RNASEH2B: variants seen among roughly 807,000 people sequenced by gnomAD.
RNASEH2B encodes the protein Aicardi-Goutieres syndrome 2 protein.
RNASEH2B carries 36 observed loss-of-function variants against 45.0 expected under a neutral mutation model. The observed-to-expected ratio is 0.80, with a 90% confidence interval of 0.61 to 1.06. The LOEUF (loss-of-function observed/expected upper bound fraction) is 1.06, where lower values mean the gene tolerates loss of function less well. Ranked by LOEUF, RNASEH2B falls within the 50% of genes least tolerant of loss-of-function variation. The probability of loss-of-function intolerance (pLI) is 0.00; values close to 1 mark genes in which losing one functional copy is unlikely to be tolerated. For missense variants in RNASEH2B, 361 were observed against 360.3 expected (o/e 1.00, Z -0.02); for synonymous variants, 119 against 125.7 (o/e 0.95, Z 0.35).
Position 50,910,158 on chromosome 13 carries a change from G to C in RNASEH2B, c.64+18G>C, listed in dbSNP as rs1566071262. On this transcript the variant is annotated intron_variant, in intron 1 of 10. Transcript: ENST00000336617. ...GGTTTCAGGTAAACACGCGCGCCCGGGCGGCGGGGTCGGCCCAAGAACTGG... is the reference window on the plus strand; with the variant it reads ...GGTTTCAGGTAAACACGCGCGCCCGCGCGGCGGGGTCGGCCCAAGAACTGG... 7.0e-7 allele frequency: 1 copy of C among 1,426,264 alleles called. No homozygotes were observed. Among genetic ancestry groups the C allele is most frequent in the South Asian group, 1.5e-5 (1 of 68,380 alleles). The allele number at this position is 1,426,264 out of a possible 1,614,324, so 88.4% of individuals were successfully genotyped here.
chr13:50,924,702 G>A (rs1951569623), intron 1 of RNASEH2B, among the ~76,000 whole-genome samples: 1 of 152,048 alleles, frequency 6.6e-6, no homozygotes, highest in Non-Finnish European at 1.5e-5. Flanking sequence ...GGGACTACGG[G>A]CACATGCCAC....
chr13:50,964,589 C>G (rs1952146699), intron 9 of RNASEH2B, among the ~76,000 whole-genome samples: 1 of 152,174 alleles, frequency 6.6e-6, no homozygotes, highest in African/African-American at 2.4e-5. Flanking sequence ...AACTCTGTAC[C>G]ATTCAAGCTT....
downstream of RNASEH2B, among the ~76,000 whole-genome samples, chr13:50,961,755 C>T (rs1470460514): frequency 1.3e-5 from 2 of 152,126 alleles, no homozygotes; most frequent in Non-Finnish European, 1.5e-5. Flanking sequence ...CACATATATA[C>T]ACTATATACT....
intron 8 of RNASEH2B, 86 bp downstream of exon 8, chr13:50,948,154 A>G: frequency 6.3e-7 from 1 of 1,581,270 alleles, no homozygotes; most frequent in Non-Finnish European, 8.6e-7. Flanking sequence ...GGCTTATCAT[A>G]TCACTGTTTA....
intron 4 of RNASEH2B, among the ~76,000 whole-genome samples, chr13:50,932,800 G>C (rs919241670): frequency 2.6e-5 from 4 of 152,134 alleles, no homozygotes; most frequent in Non-Finnish European, 5.9e-5. Flanking sequence ...TTAATCCTTA[G>C]ATCAAATTCC....
intron 5 of RNASEH2B, among the ~76,000 whole-genome samples, chr13:50,940,251 G>A (rs1951817244): frequency 6.6e-6 from 1 of 152,178 alleles, no homozygotes; most frequent in Non-Finnish European, 1.5e-5. Context: ...CTGTGATCTG[G>A]GTAGCCATGG....
At chr13:50,946,325 T>C (rs1951900338) in intron 7 of RNASEH2B, among the ~76,000 whole-genome samples, 1 of 152,226 alleles carries the variant, frequency 6.6e-6, no homozygotes, top group South Asian at 2.1e-4. Context: ...ATGGCTTTAG[T>C]CATTACATAA....
At chr13:50,964,990 C>T (rs187491845) in intron 9 of RNASEH2B, among the ~76,000 whole-genome samples, 12 of 152,196 alleles carry the variant, frequency 7.9e-5, no homozygotes, top group African/African-American at 2.4e-4. Context: ...TCCTGCCTTA[C>T]TCCCTGCATA....
chr13:50,968,316 C>T (rs1282343013), intron 9 of RNASEH2B, among the ~76,000 whole-genome samples: 1 of 152,140 alleles, frequency 6.6e-6, no homozygotes, highest in Non-Finnish European at 1.5e-5. Context: ...GGGAGAATTG[C>T]TTGAGGCTAG....
intron 1 of RNASEH2B, among the ~76,000 whole-genome samples, chr13:50,916,452 A>G (rs1342490395): frequency 3.9e-5 from 6 of 152,220 alleles, no homozygotes; most frequent in African/African-American, 1.4e-4. Context: ...GACAAAGAGA[A>G]TTTGTATTTT....
chr13:50,948,047 A>T lies in RNASEH2B; in HGVS notation c.677A>T (p.Asp226Val), dbSNP rs770138442. Residue 226 changes from aspartate (D) to valine (V), a missense_variant, in exon 8 of 11, where the codon GAT becomes GTT. Asp to Val is a radical substitution (Grantham distance 152). Transcript: ENST00000336617. ...GACTACATCCCTAAAGAATTAAGTGATGACTTATCTAAATACTTAAAGTGA... is the reference window on the plus strand; with the variant it reads ...GACTACATCCCTAAAGAATTAAGTGTTGACTTATCTAAATACTTAAAGTGA... ...ISDYIPKELS[D>V]DLSKYLKLPE... The T allele has an allele frequency of 6.2e-7, 1 of 1,611,560 alleles. No individual in the cohort carries two copies. Among genetic ancestry groups the T allele is most frequent in the Admixed American group, 1.7e-5 (1 of 59,988 alleles).
intron 3 of RNASEH2B, among the ~76,000 whole-genome samples, chr13:50,930,455 G>C (rs564625980): frequency 6.6e-6 from 1 of 152,116 alleles, no homozygotes; most frequent in Non-Finnish European, 1.5e-5. Flanking sequence ...CAGGGTCTTG[G>C]TTCTCCTCTC....
At chr13:50,962,440 A>T (rs566561654) in intron 9 of RNASEH2B, among the ~76,000 whole-genome samples, 3 of 152,038 alleles carry the variant, frequency 2.0e-5, no homozygotes, top group African/African-American at 7.2e-5. Flanking sequence ...TTGGTAATTT[A>T]TGTCTTTCAA....
intron 5 of RNASEH2B, 178 bp from the exon 6 acceptor site, chr13:50,943,143 C>T: frequency 1.7e-6 from 1 of 578,080 alleles, no homozygotes; most frequent in Non-Finnish European, 3.1e-6. Flanking sequence ...CCTGAGGTAG[C>T]CACATTACTA....
intron 9 of RNASEH2B, chr13:50,952,638 G>A (rs1267372810): frequency 6.6e-6 from 1 of 152,230 alleles, no homozygotes; most frequent in African/African-American, 2.4e-5. Flanking sequence ...CTGGCCTCAA[G>A]TGACCGCCCA....
At chr13:50,949,257 C>T in intron 8 of RNASEH2B, 1 of 560,408 alleles carries the variant, frequency 1.8e-6, no homozygotes, top group Non-Finnish European at 3.2e-6. Flanking sequence ...CAGACAACAC[C>T]AAAACAAGGA....
chr13:50,932,835 T>G (rs1423374538), intron 4 of RNASEH2B, among the ~76,000 whole-genome samples: 1 of 152,128 alleles, frequency 6.6e-6, no homozygotes, highest in Non-Finnish European at 1.5e-5. Context: ...GGTAGGTAAA[T>G]TAATTTAAGT....
intron 9 of RNASEH2B, among the ~76,000 whole-genome samples, chr13:50,965,032 T>C (rs775641883): frequency 6.6e-6 from 1 of 152,174 alleles, no homozygotes; most frequent in Non-Finnish European, 1.5e-5. Flanking sequence ...CATATAGTCA[T>C]GCCCCGCACA....
At chr13:50,936,110 T>C (rs1951748619) in intron 5 of RNASEH2B, 1 of 152,318 alleles carries the variant, frequency 6.6e-6, no homozygotes, top group South Asian at 2.1e-4. Flanking sequence ...GAACATGGGC[T>C]GGAGGAGCAG....
Sources: allele counts gnomAD v4.1 joint callset (sites outside exome capture counted in the v4.1 genomes callset), GRCh38; gene constraint gnomAD v4.1.1; transcripts MANE v1.5; gene names NCBI Gene and HGNC (gene_info 2026-07-23, HGNC 2026-07-21).